LCA5L: variants seen among roughly 807,000 people sequenced by gnomAD.
LCA5L encodes lebercilin LCA5 like, also known as lebercilin-like protein.
Under a neutral mutation model 45.4 loss-of-function variants are expected in LCA5L, and 35 were observed. The observed-to-expected ratio is 0.77, with a 90% CI of 0.59 to 1.02. LCA5L has a LOEUF of 1.02. Ranked by LOEUF, LCA5L falls within the 50% of genes least tolerant of loss-of-function variation. The probability of loss-of-function intolerance (pLI) is 0.00; values close to 1 mark genes in which losing one functional copy is unlikely to be tolerated. For synonymous variants in LCA5L, 233 were observed against 264.7 expected, an observed-to-expected ratio of 0.88 and a Z score of 1.16; for missense variants, 668 against 761.6, an observed-to-expected ratio of 0.88 and a Z score of 1.45.
At chr21:39,414,573 C>T (rs1447509935) in intron 7 of LCA5L, among the ~76,000 whole-genome samples, 3 of 152,158 alleles carry the variant, frequency 2.0e-5, no homozygotes, top group Admixed American at 6.5e-5. Flanking sequence ...TCAACAACCT[C>T]GTGACTCGCT....
At chr21:39,420,047 C>T (rs1031165380) in intron 7 of LCA5L, among the ~76,000 whole-genome samples, 5 of 151,948 alleles carry the variant, frequency 3.3e-5, no homozygotes, top group Non-Finnish European at 5.9e-5. Context: ...TGTTAACAAA[C>T]GCTGTATTAC....
At position 39,406,457 on chromosome 21, in the gene LCA5L, T is replaced by C. The variant is rs2039080887; in HGVS notation, c.1438A>G (p.Arg480Gly). 6.2e-7 allele frequency: 1 copy of C among 1,613,952 alleles called. No homozygotes were observed. The highest frequency in any genetic ancestry group is 1.3e-5 in the African/African-American group (1 of 74,944). The change falls in exon 11 of 11, where the codon AGA (arginine) becomes GGA (glycine). Residue 480 changes from arginine to glycine, a missense_variant. Arg to Gly is a moderately radical substitution (Grantham distance 125). Transcript: ENST00000288350. Reference protein sequence around the residue: ...PKIIEVIHPERESNQEDVLVR... With the variant: ...PKIIEVIHPEGESNQEDVLVR... The stretch of plus-strand genomic sequence containing the variant: ...AGAACATCTTCTTGATTGCTTTCTC[T>C]TTCAGGATGAATAACTTCAATTATT...
In LCA5L at chr21:39,406,056, T is replaced by C. The variant is rs180865456; in HGVS notation, c.1839A>G (p.Gln613=). The C allele has an allele frequency of 6.8e-5, 109 of 1,614,174 alleles. No homozygotes were observed. The East Asian group carries it at 2.2e-3, about 32-fold the overall frequency. The change falls in exon 11 of 11, where the codon CAA becomes CAG. Residue 613 remains glutamine, a synonymous_variant. Coordinates refer to ENST00000288350, the MANE Select transcript of LCA5L (RefSeq NM_152505.4). ...AGCCTTTTGCAACACCAGGACTTGATTGGTCAGTTTTCAAGACATAGCCTG... is the reference window on the plus strand; with the variant it reads ...AGCCTTTTGCAACACCAGGACTTGACTGGTCAGTTTTCAAGACATAGCCTG... ...FGSGYVLKTD[Q]SSPGVAKGSE... is the part of the protein sequence containing the mutation.
chr21:39,418,214 G>C (rs910994867), intron 7 of LCA5L, among the ~76,000 whole-genome samples: 1 of 152,164 alleles, frequency 6.6e-6, no homozygotes, highest in African/African-American at 2.4e-5. Context: ...TACAATTCAA[G>C]ATGAGATTTG....
chr21:39,429,927 A>T (rs1428816559), intron 3 of LCA5L, among the ~76,000 whole-genome samples: 1 of 152,140 alleles, frequency 6.6e-6, no homozygotes, highest in Non-Finnish European at 1.5e-5. Flanking sequence ...CTGAAGTGGG[A>T]TTGCTTGAGT....
intron 7 of LCA5L, among the ~76,000 whole-genome samples, chr21:39,417,328 C>G (rs1227709399): frequency 6.6e-6 from 1 of 152,224 alleles, no homozygotes; most frequent in Non-Finnish European, 1.5e-5. Context: ...GCATGAGCCA[C>G]TGTACCCAGC....
In LCA5L at chr21:39,420,835, T is replaced by A. The variant is rs763429355; in HGVS notation, c.846A>T (p.Glu282Asp). ...DANDKKIQSL[E>D]KQLRLNCRAF... is the part of the protein sequence containing the mutation. Reference sequence around the variant, plus strand: ...CTCTGCAGTTCAACCTCAGTTGTTTTTCCAAGCTCTGAAAACAGTATATAT... The same window carrying A: ...CTCTGCAGTTCAACCTCAGTTGTTTATCCAAGCTCTGAAAACAGTATATAT... The change falls in exon 7 of 11, where the codon GAA (glutamate) becomes GAT (aspartate). Residue 282 changes from glutamate (E) to aspartate (D), a missense_variant. Physicochemically the swap from Glu to Asp is conservative, Grantham distance 45. Transcript: ENST00000288350. 1.2e-6 allele frequency: 2 copies of A among 1,612,794 alleles called. No individual in the cohort carries two copies. The highest frequency in any genetic ancestry group is 1.7e-6 in the Non-Finnish European group (2 of 1,179,026).
chr21:39,445,106 G>C (rs1164506926), intron 1 of LCA5L, among the ~76,000 whole-genome samples: 1 of 127,026 alleles, frequency 7.9e-6, no homozygotes, highest in Non-Finnish European at 1.7e-5. Context: ...GTGAAAACTG[G>C]TCTCTGAAAA....
intron 7 of LCA5L, among the ~76,000 whole-genome samples, chr21:39,417,762 T>G (rs1461150870): frequency 6.6e-6 from 1 of 151,902 alleles, no homozygotes; most frequent in East Asian, 1.9e-4. Flanking sequence ...TTATTTAATT[T>G]TTTAATTTTT....
rs1242011255 is a variant in LCA5L, at chr21:39,428,157, A to C, written c.322+15T>G. ...GACAGAAATTTGGTCTTGCTTGGGA[A>C]ATTTTACTCCTTACCTTTAGATTGG... On this transcript the variant is annotated intron_variant, in intron 5 of 10. Transcript: ENST00000288350. 1 of 1,497,204 alleles carries C rather than the reference A, an allele frequency of 6.7e-7. No individual in the cohort carries two copies. The highest frequency in any genetic ancestry group is 9.1e-7 in the Non-Finnish European group (1 of 1,101,530). 92.7% of individuals were successfully genotyped at this position (1,497,204 alleles called of 1,614,324 possible).
At position 39,406,537 on chromosome 21, in the gene LCA5L, T is replaced by C. The variant is rs968675494; in HGVS notation, c.1358A>G (p.Glu453Gly). Residue 453 changes from glutamate (E) to glycine (G), a missense_variant, in exon 11 of 11, where the codon GAA (glutamate) becomes GGA (glycine). Coordinates refer to ENST00000288350, the MANE Select transcript of LCA5L (RefSeq NM_152505.4). ...ENTGRQKDKK[E>G]DQEKKNIFVK... ...AAAAATGTTTTTCTTTTCTTGGTCT[T>C]CTTTTTTGTCTTTTTGTCTTCCAGT... 2 of 1,611,832 alleles carry C rather than the reference T, an allele frequency of 1.2e-6. No individual in the cohort carries two copies. The highest frequency in any genetic ancestry group is 1.7e-6 in the Non-Finnish European group (2 of 1,179,188).
intron 3 of LCA5L, among the ~76,000 whole-genome samples, chr21:39,431,606 C>T (rs926825727): frequency 2.0e-5 from 3 of 151,970 alleles, no homozygotes; most frequent in Non-Finnish European, 2.9e-5. Flanking sequence ...CAACCTCTGC[C>T]TCCCGGGTTC....
intron 10 of LCA5L, among the ~76,000 whole-genome samples, chr21:39,407,220 G>A (rs1043558349): frequency 2.0e-5 from 3 of 152,114 alleles, no homozygotes; most frequent in African/African-American, 7.2e-5. Context: ...GAGCAGAGCT[G>A]TTTCAAAACA....
rs368189198 is a variant in LCA5L, at chr21:39,406,425, T to G, written c.1470A>C (p.Arg490Ser). 1.9e-5 allele frequency: 30 copies of G among 1,614,032 alleles called. No homozygotes were observed. The highest frequency in any genetic ancestry group is 2.4e-5 in the Non-Finnish European group (28 of 1,180,008). Residue 490 changes from arginine (R) to serine (S), a missense_variant, in exon 11 of 11, where the codon AGA becomes AGC. By Grantham distance (110) the Arg-to-Ser change is moderately radical. Transcript: ENST00000288350. The part of the protein sequence containing the change: ...RESNQEDVLV[R>S]EKFKRSMQRN... ...TCTGCATGCTTCTTTTAAACTTTTC[T>G]CTTACTAGAACATCTTCTTGATTGC...
intron 3 of LCA5L, among the ~76,000 whole-genome samples, chr21:39,433,279 G>A (rs891531231): frequency 6.6e-6 from 1 of 151,962 alleles, no homozygotes; most frequent in Non-Finnish European, 1.5e-5. Context: ...TTAGCTGGGC[G>A]TGGTGGCGGG....
intron 5 of LCA5L, among the ~76,000 whole-genome samples, chr21:39,426,781 A>AT (rs1237847163): frequency 2.0e-5 from 3 of 152,210 alleles, no homozygotes; most frequent in Non-Finnish European, 4.4e-5. Context: ...CATGATGTTC[A>AT]TTTTTGATGG....
In LCA5L at chr21:39,420,759, T is replaced by G. The variant is rs766722088; in HGVS notation, c.922A>C (p.Thr308Pro). The change falls in exon 7 of 11, where the codon ACA (threonine) becomes CCA (proline). Residue 308 changes from threonine (T) to proline (P), a missense_variant. Thr to Pro is a conservative substitution (Grantham distance 38). Transcript: ENST00000288350. ...IETRKTLAAQ[T>P]ATKTLQVEVK... ...TCCACCTGCAGAGTCTTGGTAGCTG[T>G]CTGAGCTGCTAAAGTCTTCCGAGTC... 7 of 1,613,654 alleles carry G rather than the reference T, an allele frequency of 4.3e-6. No individual in the cohort carries two copies. The highest frequency in any genetic ancestry group is 5.9e-6 in the Non-Finnish European group (7 of 1,179,604).
intron 2 of LCA5L, 90 bp from the exon 3 acceptor site, chr21:39,435,663 A>T (rs915078835): frequency 1.1e-4 from 17 of 152,218 alleles, no homozygotes; most frequent in Admixed American, 5.2e-4. Context: ...AGTTTTAATT[A>T]ATATATATAT....
chr21:39,411,030 C>A, intron 8 of LCA5L: 1 of 435,492 alleles, frequency 2.3e-6, no homozygotes, highest in Admixed American at 2.6e-5. Context: ...AAGAAGACCT[C>A]ACCAATGAGA....
Sources: gnomAD v4.1 joint callset for allele counts (sites outside exome capture counted in the v4.1 genomes callset) on GRCh38, gnomAD v4.1.1 for gene constraint, MANE v1.5 for transcripts, NCBI Gene and HGNC (gene_info 2026-07-23, HGNC 2026-07-21) for gene names.